RALYL: variants seen among roughly 807,000 people sequenced by gnomAD.
RALYL encodes RNA-binding Raly-like protein.
In RALYL, 29 loss-of-function variants were observed where a neutral mutation model predicts 35.1. The ratio of observed to expected loss-of-function variants is 0.83; its 90% confidence interval spans 0.61 to 1.13. The LOEUF (loss-of-function observed/expected upper bound fraction) is 1.13. Ranked by LOEUF, RALYL falls within the 50% of genes most tolerant of loss-of-function variation. The probability of loss-of-function intolerance (pLI) is 0.00; values close to 1 mark genes in which losing one functional copy is unlikely to be tolerated. For synonymous variants in RALYL, 120 were observed against 127.6 expected (o/e 0.94, Z 0.40); for missense variants, 359 against 360.4 (o/e 1.00, Z 0.03).
intron 1 of RALYL, among the ~76,000 whole-genome samples, chr8:84,286,706 G>T (rs1415169970): frequency 1.3e-5 from 2 of 152,172 alleles, no homozygotes; most frequent in Non-Finnish European, 2.9e-5. Context: ...AGAGCCCACA[G>T]GTCATAAGTG....
At chr8:84,909,981 CA>C (rs1362851785) in intron 8 of RALYL, among the ~76,000 whole-genome samples, 1 of 152,094 alleles carries the variant, frequency 6.6e-6, no homozygotes, top group East Asian at 1.9e-4. Flanking sequence ...CCTAAAGAAT[CA>C]GACACTCATA....
intron 1 of RALYL, among the ~76,000 whole-genome samples, chr8:84,505,646 T>C (rs376300044): frequency 6.6e-6 from 1 of 152,132 alleles, no homozygotes; most frequent in Non-Finnish European, 1.5e-5. Context: ...AGGGTATGAA[T>C]GATTCCATCA....
intron 1 of RALYL, among the ~76,000 whole-genome samples, chr8:84,408,159 C>T (rs890407097): frequency 6.6e-6 from 1 of 151,850 alleles, no homozygotes; most frequent in Non-Finnish European, 1.5e-5. Context: ...AAAATGTCAT[C>T]CACATGGGAT....
chr8:84,584,879 T>C (rs1025842610), intron 2 of RALYL, among the ~76,000 whole-genome samples: 2 of 152,178 alleles, frequency 1.3e-5, no homozygotes, highest in Non-Finnish European at 2.9e-5. Context: ...CTTCATATCT[T>C]CTTAGGATCA....
chr8:84,814,140 T>C (rs548583757), intron 4 of RALYL, among the ~76,000 whole-genome samples: 35 of 152,212 alleles, frequency 2.3e-4, no homozygotes, highest in Non-Finnish European at 4.4e-4. Context: ...ATATCAAACA[T>C]TTAGCACACT....
At chr8:84,626,434 T>C (rs1381702381) in intron 2 of RALYL, among the ~76,000 whole-genome samples, 1 of 152,172 alleles carries the variant, frequency 6.6e-6, no homozygotes, top group African/African-American at 2.4e-5. Flanking sequence ...TCTTCACATT[T>C]CCTCACACTG....
At chr8:84,711,115 A>G (rs1331726734) in intron 2 of RALYL, among the ~76,000 whole-genome samples, 1 of 152,126 alleles carries the variant, frequency 6.6e-6, no homozygotes, top group African/African-American at 2.4e-5. Flanking sequence ...GAAATAGCAT[A>G]TGCAAAGTCC....
rs978646119 is a variant in RALYL at position 84,684,015 on chromosome 8, T to C, written c.257-90564T>C. Among the ~76,000 whole-genome samples the C allele has an allele frequency of 3.3e-5, 5 of 152,102 alleles. No homozygotes were observed. In the East Asian group the frequency reaches 9.6e-4, roughly 29 times the overall value. Reference sequence around the variant, plus strand: ...ATGCCTGGCTGTAGCTGGTATGTTTTTGATCAGAGCATGGTAAAAAAATGC... The same window carrying C: ...ATGCCTGGCTGTAGCTGGTATGTTTCTGATCAGAGCATGGTAAAAAAATGC... On this transcript the variant is annotated intron_variant, in intron 2 of 8. Transcript: ENST00000521268.
intron 3 of RALYL, among the ~76,000 whole-genome samples, chr8:84,782,048 C>CAT (rs551798998): frequency 0.019 from 2,830 of 152,160 alleles, 82 homozygotes; most frequent in African/African-American, 0.062. Flanking sequence ...CACACACACA[C>CAT]ACACACACAC....
chr8:84,820,295 T>TG (rs1359281714), intron 4 of RALYL, among the ~76,000 whole-genome samples: 1 of 152,224 alleles, frequency 6.6e-6, no homozygotes, highest in Non-Finnish European at 1.5e-5. Context: ...CTTCATAACA[T>TG]GCAAGTCTAA....
intron 2 of RALYL, among the ~76,000 whole-genome samples, chr8:84,584,792 C>T (rs1003217404): frequency 6.6e-6 from 1 of 151,938 alleles, no homozygotes; most frequent in South Asian, 2.1e-4. Context: ...TGTGGGATCC[C>T]TAAGTTGAGA....
chr8:84,394,697 T>G (rs1420597267), intron 1 of RALYL, among the ~76,000 whole-genome samples: 1 of 151,970 alleles, frequency 6.6e-6, no homozygotes, highest in East Asian at 1.9e-4. Context: ...GATAAACCCA[T>G]GATTGTTTTT....
intron 1 of RALYL, among the ~76,000 whole-genome samples, chr8:84,271,999 A>G (rs1563646156): frequency 6.6e-6 from 1 of 152,196 alleles, no homozygotes; most frequent in Admixed American, 6.5e-5. Context: ...AGCTTTAAAC[A>G]ATTATTAGGC....
At chr8:84,201,546 G>C (rs1178465352) in intron 1 of RALYL, among the ~76,000 whole-genome samples, 1 of 151,036 alleles carries the variant, frequency 6.6e-6, no homozygotes, top group Non-Finnish European at 1.5e-5. Flanking sequence ...TGGGGGAGTA[G>C]TTTTCATTCA....
intron 5 of RALYL, among the ~76,000 whole-genome samples, chr8:84,855,612 T>C (rs1424168310): frequency 6.6e-6 from 1 of 152,246 alleles, no homozygotes; most frequent in African/African-American, 2.4e-5. Context: ...TGACTCTAAA[T>C]GTAGGACATT....
intron 1 of RALYL, among the ~76,000 whole-genome samples, chr8:84,322,913 T>A (rs1232424327): frequency 6.6e-6 from 1 of 152,100 alleles, no homozygotes; most frequent in African/African-American, 2.4e-5. Context: ...TTATTTAAAA[T>A]ATGTATGTGA....
intron 2 of RALYL, among the ~76,000 whole-genome samples, chr8:84,569,803 A>G (rs762069180): frequency 2.0e-5 from 3 of 151,830 alleles, no homozygotes; most frequent in Non-Finnish European, 2.9e-5. Context: ...TTATTTGCAT[A>G]TGGCTAGCCA....
At chr8:84,423,428 T>C in intron 1 of RALYL, among the ~76,000 whole-genome samples, 1 of 151,750 alleles carries the variant, frequency 6.6e-6, no homozygotes, top group South Asian at 2.1e-4. Flanking sequence ...CCTTTTATTT[T>C]GAGCCTATGT....
chr8:84,379,708 T>C (rs1255478630), intron 1 of RALYL, among the ~76,000 whole-genome samples: 2 of 151,468 alleles, frequency 1.3e-5, no homozygotes, highest in African/African-American at 4.8e-5. Context: ...AGATAAAATG[T>C]AAAAGCATCC....
Sources: allele counts gnomAD v4.1 joint callset (sites outside exome capture counted in the v4.1 genomes callset), GRCh38; gene constraint gnomAD v4.1.1; transcripts MANE v1.5; gene names NCBI Gene and HGNC (gene_info 2026-07-23, HGNC 2026-07-21).